KLRF1: variants seen among roughly 807,000 people sequenced by gnomAD.
The protein encoded by KLRF1 is killer cell lectin-like receptor subfamily F member 1.
In KLRF1, 27 loss-of-function variants were observed where a neutral mutation model predicts 30.7. That is an observed-to-expected ratio of 0.88 (90% CI 0.65 to 1.21). The LOEUF (loss-of-function observed/expected upper bound fraction) is 1.21. Ranked by LOEUF, KLRF1 falls within the 50% of genes most tolerant of loss-of-function variation. KLRF1 has a pLI of 0.00. For missense variants in KLRF1, 246 were observed against 259.3 expected, an observed-to-expected ratio of 0.95 and a Z score of 0.35; for synonymous variants, 92 against 89.3, an observed-to-expected ratio of 1.03 and a Z score of -0.17.
At chr12:9,806,689 T>A in the KLRF1 span, among the ~76,000 whole-genome samples, 1 of 152,140 alleles carries the variant, frequency 6.6e-6, no homozygotes, top group African/African-American at 2.4e-5. Context: ...TTCATTTTTC[T>A]ATTTTTTTTA....
chr12:9,820,589 T>A, the KLRF1 span, among the ~76,000 whole-genome samples: 1 of 152,150 alleles, frequency 6.6e-6, no homozygotes, highest in Admixed American at 6.5e-5. Context: ...ACCCACCTCA[T>A]GAATAAGTGG....
chr12:9,824,450 T>C (rs1377386262), upstream of KLRF1, among the ~76,000 whole-genome samples: 5 of 152,246 alleles, frequency 3.3e-5, no homozygotes, highest in South Asian at 4.2e-4. Flanking sequence ...CAATAAACTA[T>C]GTATTGCAGA....
the KLRF1 span, among the ~76,000 whole-genome samples, chr12:9,809,870 A>G: frequency 2.0e-5 from 3 of 152,088 alleles, no homozygotes; most frequent in Non-Finnish European, 4.4e-5. Context: ...GAAAATATTG[A>G]CTGTGCCTAT....
At chr12:9,817,319 T>A in the KLRF1 span, 1 of 233,112 alleles carries the variant, frequency 4.3e-6, no homozygotes, top group Admixed American at 6.2e-5. Context: ...CAGATAACCT[T>A]AAGAATTCTG....
At chr12:9,810,865 A>G in the KLRF1 span, among the ~76,000 whole-genome samples, 5 of 152,156 alleles carry the variant, frequency 3.3e-5, no homozygotes, top group Non-Finnish European at 7.4e-5. Flanking sequence ...CTTCTCTTTT[A>G]CCTTAAGCCA....
At chr12:9,831,584 A>G (rs17806430) in intron 1 of KLRF1, among the ~76,000 whole-genome samples, 3,836 of 152,278 alleles carry the variant, frequency 0.025, 70 homozygotes, top group Admixed American at 0.04. Context: ...AAGTATAGAT[A>G]TTCACTTATT....
At chr12:9,823,973 A>G (rs1867254071), upstream of KLRF1, among the ~76,000 whole-genome samples, 2 of 152,202 alleles carry the variant, frequency 1.3e-5, no homozygotes, top group African/African-American at 2.4e-5. Context: ...TGAGCTCTGA[A>G]ATTGAATTAG....
upstream of KLRF1, among the ~76,000 whole-genome samples, chr12:9,824,735 G>T (rs116573086): frequency 7.6e-3 from 1,158 of 152,146 alleles, 15 homozygotes; most frequent in African/African-American, 0.026. Flanking sequence ...TGGCCAAAAA[G>T]CTCCTTCAAC....
At chr12:9,829,162 C>T (rs1867351808) in intron 1 of KLRF1, among the ~76,000 whole-genome samples, 2 of 152,090 alleles carry the variant, frequency 1.3e-5, no homozygotes, top group Admixed American at 6.6e-5. Context: ...TACATAATTG[C>T]TCTATCCCAC....
rs531167433 is a variant in KLRF1 at position 9,844,601 on chromosome 12, G to A, written c.*75G>A. The stretch of plus-strand genomic sequence containing the variant: ...TATTAGTTTCTAATATTAATCTCCA[G>A]GTGTAAGATTTTAAAGTGCAATTAA... On this transcript the variant is annotated 3_prime_UTR_variant, in exon 6 of 6. Coordinates refer to ENST00000617889, the MANE Select transcript of KLRF1 (RefSeq NM_016523.3). 73 of 770,986 alleles carry A rather than the reference G, an allele frequency of 9.5e-5. 1 individual carries two copies. The African/African-American group carries it at 1.1e-3, about 12-fold the overall frequency. The allele number at this position is 770,986 out of a possible 1,614,324, so 47.8% of individuals were successfully genotyped here.
At chr12:9,814,670 C>T in the KLRF1 span, among the ~76,000 whole-genome samples, 1 of 152,246 alleles carries the variant, frequency 6.6e-6, no homozygotes. Flanking sequence ...CTGGTACGGC[C>T]CACAAGTGCC....
upstream of KLRF1, among the ~76,000 whole-genome samples, chr12:9,822,481 C>A (rs150284452): frequency 4.6e-5 from 7 of 152,098 alleles, no homozygotes; most frequent in South Asian, 2.1e-4. Context: ...AAGGAAGGAA[C>A]AAAATCTTTG....
intron 3 of KLRF1, among the ~76,000 whole-genome samples, chr12:9,836,353 G>C (rs1867576816): frequency 6.6e-6 from 1 of 151,918 alleles, no homozygotes; most frequent in Admixed American, 6.6e-5. Flanking sequence ...CCCTACTCTT[G>C]TTTACACTGC....
intron 3 of KLRF1, among the ~76,000 whole-genome samples, chr12:9,836,229 A>G (rs921678553): frequency 3.9e-5 from 6 of 152,032 alleles, no homozygotes; most frequent in African/African-American, 1.4e-4. Context: ...ACTTTTTGCA[A>G]CAGGGCTTTA....
In KLRF1 at chr12:9,833,588, C is replaced by T. The variant is rs375115155; in HGVS notation, c.334+136C>T. 2.5e-5 allele frequency: 16 copies of T among 642,944 alleles called. No individual in the cohort carries two copies. In the East Asian group the frequency reaches 3.4e-4, roughly 14 times the overall value. The allele number at this position is 642,944 out of a possible 1,614,324, so 39.8% of individuals were successfully genotyped here. The stretch of plus-strand genomic sequence containing the variant: ...ATAAGTCTACTTTTCATTCAAAACT[C>T]GATTTAGGTATCTTTAAACTTGTTG... On this transcript the variant is annotated intron_variant, in intron 3 of 5. Transcript: ENST00000617889.
At chr12:9,838,033 G>A (rs775232678) in intron 3 of KLRF1, among the ~76,000 whole-genome samples, 2 of 152,174 alleles carry the variant, frequency 1.3e-5, no homozygotes, top group South Asian at 2.1e-4. Flanking sequence ...GATAATCTCC[G>A]GTAAATTGGT....
chr12:9,826,550 A>G (rs919167061), upstream of KLRF1, among the ~76,000 whole-genome samples: 9 of 152,264 alleles, frequency 5.9e-5, no homozygotes, highest in South Asian at 2.1e-4. Context: ...ATATAAATCT[A>G]TCATAAAGAC....
At chr12:9,828,417 T>TTAAAA (rs57467836) in intron 1 of KLRF1, among the ~76,000 whole-genome samples, 3,835 of 152,212 alleles carry the variant, frequency 0.025, 149 homozygotes, top group African/African-American at 0.087. Context: ...CTCAAAAACT[T>TTAAAA]TATGCTTTTC....
the KLRF1 span, among the ~76,000 whole-genome samples, chr12:9,811,470 A>C: frequency 6.6e-6 from 1 of 152,236 alleles, no homozygotes; most frequent in East Asian, 1.9e-4. Context: ...GAATGGAAAG[A>C]GATACTAGAG....
Sources: gnomAD v4.1 joint callset for allele counts (sites outside exome capture counted in the v4.1 genomes callset) on GRCh38, gnomAD v4.1.1 for gene constraint, MANE v1.5 for transcripts, NCBI Gene and HGNC (gene_info 2026-07-23, HGNC 2026-07-21) for gene names.